RPH3AL: variants seen among roughly 807,000 people sequenced by gnomAD.
The protein encoded by RPH3AL is rabphilin 3A like (without C2 domains), also known as rab effector Noc2.
In RPH3AL, 38 loss-of-function variants were observed where a neutral mutation model predicts 43.1. The ratio of observed to expected loss-of-function variants is 0.88; its 90% CI spans 0.68 to 1.15. The LOEUF is 1.15. Ranked by LOEUF, RPH3AL falls within the 50% of genes most tolerant of loss-of-function variation. RPH3AL has a pLI of 0.00. For synonymous variants in RPH3AL, 189 were observed against 176.3 expected (o/e 1.07, Z -0.57); for missense variants, 462 against 423.2 (o/e 1.09, Z -0.81).
intron 3 of RPH3AL, among the ~76,000 whole-genome samples, chr17:326,135 G>A (rs536847322): frequency 3.9e-5 from 6 of 152,342 alleles, no homozygotes; most frequent in East Asian, 3.9e-4. Context: ...TCTGCCTGGC[G>A]TCAGAGGACA....
chr17:228,563 G>A (rs1230066694), intron 7 of RPH3AL, among the ~76,000 whole-genome samples: 1 of 152,160 alleles, frequency 6.6e-6, no homozygotes, highest in African/African-American at 2.4e-5. Context: ...GGCCAACCTC[G>A]CAGGTGGACT....
rs2040790478 is a variant in RPH3AL, at chr17:215,954, TGGCTGCCGGGCTCTGGCCTGACCCC to T, written c.728-177_728-153del. On this transcript the variant is annotated intron_variant, in intron 8 of 9. Transcript: ENST00000331302. This position sits in a 1 kb window ranked among gnomAD's most constrained non-coding sequence, Gnocchi z 4.1. ...AGGCTCTGGCCTGACCTCACCCACA[TGGCTGCCGGGCTCTGGCCTGACCCC>T]ACCCACATGGCTGCCGGGCTCTGGC... 1 of 572,358 alleles carries T rather than the reference TGGCTGCCGGGCTCTGGCCTGACCCC, an allele frequency of 1.7e-6. No homozygotes were observed. The highest frequency in any genetic ancestry group is 2.0e-5 in the African/African-American group (1 of 50,276). The allele number at this position is 572,358 out of a possible 1,614,324, so 35.5% of individuals were successfully genotyped here.
chr17:219,514 T>C, intron 8 of RPH3AL, 109 bp downstream of exon 8: 2 of 305,696 alleles, frequency 6.5e-6, no homozygotes, highest in South Asian at 4.1e-5. Context: ...TTCATTTCTT[T>C]TCTTTTTCTT....
intron 6 of RPH3AL, among the ~76,000 whole-genome samples, chr17:247,947 G>T (rs917214166): frequency 6.6e-6 from 1 of 152,122 alleles, no homozygotes; most frequent in Non-Finnish European, 1.5e-5. Context: ...TTCTCTCGCT[G>T]GCCCAAGGCA....
At chr17:239,613 G>A (rs1420106034) in intron 7 of RPH3AL, among the ~76,000 whole-genome samples, 4 of 151,816 alleles carry the variant, frequency 2.6e-5, no homozygotes, top group Admixed American at 6.6e-5. Context: ...CTACCCTCCC[G>A]ATTCTGTTTT....
chr17:237,716 C>A (rs1266965539), intron 7 of RPH3AL, among the ~76,000 whole-genome samples: 1 of 152,208 alleles, frequency 6.6e-6, no homozygotes, highest in East Asian at 1.9e-4. Flanking sequence ...TCAATGATAC[C>A]CCAGGATCCC....
At chr17:242,882 C>T (rs879832012) in intron 7 of RPH3AL, among the ~76,000 whole-genome samples, 1,916 of 71,876 alleles carry the variant, frequency 0.027, 2 homozygotes, top group African/African-American at 0.065. Flanking sequence ...CCTCTATTGA[C>T]TACCTTCCTC....
chr17:215,700 G>A lies in RPH3AL; in HGVS notation c.830C>T (p.Ala277Val). Reference protein sequence around the residue: ...LASGETGTGSADPPGGPRPGL... With the variant: ...LASGETGTGSVDPPGGPRPGL... ...GGGGCGGGGTCCCCCTGGCGGGTCA[G>A]CAGAGCCTGTCCCCGTCTCACCACT... Residue 277 changes from alanine to valine, a missense_variant, in exon 9 of 10, where the codon GCT becomes GTT. Coordinates refer to ENST00000331302, the MANE Select transcript of RPH3AL (RefSeq NM_006987.4). The surrounding 1 kb of genome is among the most constrained non-coding windows in gnomAD (Gnocchi z 4.1). The A allele has an allele frequency of 4.7e-6, 6 of 1,281,474 alleles. No individual in the cohort carries two copies. Among genetic ancestry groups the A allele is most frequent in the South Asian group, 6.3e-5 (2 of 31,928 alleles). 79.4% of individuals were successfully genotyped at this position (1,281,474 alleles called of 1,614,324 possible).
At chr17:275,186 T>G (rs148754876) in intron 6 of RPH3AL, among the ~76,000 whole-genome samples, 2 of 149,330 alleles carry the variant, frequency 1.3e-5, no homozygotes, top group South Asian at 2.1e-4. Context: ...TACATGAACA[T>G]GTACTCCAGG....
chr17:302,992 T>C (rs1282161400), intron 5 of RPH3AL, among the ~76,000 whole-genome samples: 6 of 152,262 alleles, frequency 3.9e-5, no homozygotes, highest in Non-Finnish European at 8.8e-5. Flanking sequence ...AGGGTTGGAA[T>C]ATCCTTGATA....
chr17:316,203 GCC>G (rs1157920355), intron 5 of RPH3AL, among the ~76,000 whole-genome samples: 1 of 4,752 alleles, frequency 2.1e-4, no homozygotes. Context: ...TAGTTCCTGT[GCC>G]CCACCTCCAT....
At chr17:311,816 A>C (rs2043653891) in intron 5 of RPH3AL, among the ~76,000 whole-genome samples, 1 of 152,194 alleles carries the variant, frequency 6.6e-6, no homozygotes, top group South Asian at 2.1e-4. Context: ...TGGGAGCTCC[A>C]ATTTTAAGAA....
At chr17:280,985 C>A (rs2042765614) in intron 6 of RPH3AL, among the ~76,000 whole-genome samples, 1 of 152,184 alleles carries the variant, frequency 6.6e-6, no homozygotes, top group South Asian at 2.1e-4. Context: ...CGCCTCCTCG[C>A]CCCTCACATT....
chr17:309,903 T>A (rs897218335), intron 5 of RPH3AL, among the ~76,000 whole-genome samples: 2 of 152,130 alleles, frequency 1.3e-5, no homozygotes, highest in African/African-American at 4.8e-5. Context: ...GGGTAATACC[T>A]GCCCCCAGCC....
At chr17:327,623 G>C (rs564313649) in intron 2 of RPH3AL, 44 bp from the exon 3 acceptor site, 1 of 1,340,644 alleles carries the variant, frequency 7.5e-7, no homozygotes, top group African/African-American at 1.4e-5. Flanking sequence ...ATCATTGGCT[G>C]GGGTACAGAT....
chr17:352,022 C>T (rs938382827), intron 1 of RPH3AL, among the ~76,000 whole-genome samples: 1 of 152,286 alleles, frequency 6.6e-6, no homozygotes, highest in Middle Eastern at 3.4e-3. Context: ...CAACTGGCCA[C>T]GCGGCCTTCC....
At chr17:314,443 C>A (rs1262143963) in intron 5 of RPH3AL, among the ~76,000 whole-genome samples, 4 of 150,880 alleles carry the variant, frequency 2.7e-5, no homozygotes, top group Non-Finnish European at 4.4e-5. Context: ...TCTGCCCCCA[C>A]CTCCATTGAC....
rs752249768 is a variant in RPH3AL at position 289,475 on chromosome 17, G to A, written c.352-7621C>T. Among the ~76,000 whole-genome samples the A allele has an allele frequency of 3.9e-5, 6 of 152,040 alleles. No homozygotes were observed. Among genetic ancestry groups the A allele is most frequent in the African/African-American group, 7.2e-5 (3 of 41,382 alleles). Reference sequence around the variant, plus strand: ...CACCGCCCACGCCCACACCAAGGCCGCCCAGCAGATCTCTCTACCCCACCG... The same window carrying A: ...CACCGCCCACGCCCACACCAAGGCCACCCAGCAGATCTCTCTACCCCACCG... On this transcript the variant is annotated intron_variant, in intron 5 of 9. Coordinates refer to ENST00000331302, the MANE Select transcript of RPH3AL (RefSeq NM_006987.4). The surrounding 1 kb of genome is among the most constrained non-coding windows in gnomAD (Gnocchi z 5.2).
Position 246,357 on chromosome 17 carries a change from A to C in RPH3AL, c.613+754T>G, listed in dbSNP as rs2041764706. Among the ~76,000 whole-genome samples, 1 of 152,100 alleles carries C rather than the reference A, an allele frequency of 6.6e-6. No individual in the cohort carries two copies. The highest frequency in any genetic ancestry group is 6.5e-5 in the Admixed American group (1 of 15,270). ...AGAAACGTGAGCACTTCAGAGCAAA[A>C]GGACCCAGATGCCAGAGAGGGTAAG... On this transcript the variant is annotated intron_variant, in intron 7 of 9. Coordinates refer to ENST00000331302, the MANE Select transcript of RPH3AL (RefSeq NM_006987.4). The surrounding 1 kb of genome is among the most constrained non-coding windows in gnomAD (Gnocchi z 4.8).
Sources: gnomAD v4.1 joint callset for allele counts (sites outside exome capture counted in the v4.1 genomes callset) on GRCh38, gnomAD v4.1.1 for gene constraint, Gnocchi (gnomAD v3.1) non-coding constraint, MANE v1.5 for transcripts, NCBI Gene and HGNC (gene_info 2026-07-23, HGNC 2026-07-21) for gene names.